Variants in PDE1A observed in about 807,000 individuals in gnomAD.
PDE1A encodes the protein phosphodiesterase 1A, also known as dual specificity calcium/calmodulin-dependent 3',5'-cyclic nucleotide phosphodiesterase 1A.
Under a neutral mutation model 61.7 loss-of-function variants are expected in PDE1A, and 35 were observed. The observed-to-expected ratio is 0.57, with a 90% CI of 0.43 to 0.75. PDE1A has a LOEUF of 0.75. Among genes scored for constraint, PDE1A ranks in the 30% least tolerant of loss-of-function variants. The pLI, the probability that PDE1A is intolerant of heterozygous loss-of-function variation, is 0.00. For synonymous variants in PDE1A, 232 were observed against 213.2 expected (o/e 1.09, Z -0.77); for missense variants, 597 against 630.6 (o/e 0.95, Z 0.57).
chr2:182,451,053 T>C (rs1425822412), intron 2 of PDE1A, among the ~76,000 whole-genome samples: 2 of 152,120 alleles, frequency 1.3e-5, no homozygotes, highest in Non-Finnish European at 2.9e-5. Flanking sequence ...TGGAAATACA[T>C]GCTTGAAAGA....
intron 1 of PDE1A, among the ~76,000 whole-genome samples, chr2:182,397,897 A>C (rs897848574): frequency 2.0e-5 from 3 of 152,094 alleles, no homozygotes. Flanking sequence ...CGCACTTACA[A>C]TTTATTTGGG....
the PDE1A span, among the ~76,000 whole-genome samples, chr2:182,686,925 C>G: frequency 6.6e-6 from 1 of 151,320 alleles, no homozygotes; most frequent in South Asian, 2.1e-4. Flanking sequence ...TGGAGCCTCG[C>G]TCAGTGCTAG....
At chr2:182,390,485 C>T (rs1701358822) in intron 1 of PDE1A, among the ~76,000 whole-genome samples, 1 of 152,124 alleles carries the variant, frequency 6.6e-6, no homozygotes, top group Non-Finnish European at 1.5e-5. Context: ...GTTGGTTGCT[C>T]CTAAGTTCAC....
At chr2:182,517,108 T>C (rs1690251387) in intron 2 of PDE1A, among the ~76,000 whole-genome samples, 1 of 152,194 alleles carries the variant, frequency 6.6e-6, no homozygotes, top group South Asian at 2.1e-4. Flanking sequence ...CCTTTTCTGG[T>C]GTCTTCTGAG....
At chr2:182,454,534 G>A (rs1364538300) in intron 2 of PDE1A, among the ~76,000 whole-genome samples, 1 of 152,026 alleles carries the variant, frequency 6.6e-6, no homozygotes, top group East Asian at 1.9e-4. Context: ...CAAGGCTACA[G>A]TAACCAAAAC....
At chr2:182,710,021 C>T in the PDE1A span, among the ~76,000 whole-genome samples, 4 of 152,110 alleles carry the variant, frequency 2.6e-5, no homozygotes, top group South Asian at 2.1e-4. Context: ...CTCAGACTCC[C>T]GAGTAGCTGG....
the PDE1A span, among the ~76,000 whole-genome samples, chr2:182,652,394 C>T: frequency 5.9e-5 from 9 of 152,262 alleles, no homozygotes; most frequent in South Asian, 6.2e-4. Context: ...CGACCTCCTA[C>T]GATCTGGATC....
chr2:182,687,193 C>T, the PDE1A span, among the ~76,000 whole-genome samples: 10 of 152,196 alleles, frequency 6.6e-5, no homozygotes, highest in Admixed American at 6.5e-4. Flanking sequence ...TAGTGGTTCT[C>T]CCAGCACGGA....
At chr2:182,353,060 T>C (rs971485404) in intron 1 of PDE1A, among the ~76,000 whole-genome samples, 1 of 152,206 alleles carries the variant, frequency 6.6e-6, no homozygotes, top group African/African-American at 2.4e-5. Context: ...AGCAAAAATG[T>C]AGCTTGACAA....
intron 1 of PDE1A, among the ~76,000 whole-genome samples, chr2:182,313,368 C>T (rs1352094880): frequency 1.3e-5 from 2 of 152,094 alleles, no homozygotes; most frequent in Non-Finnish European, 2.9e-5. Flanking sequence ...GAGCTGAGAT[C>T]GTGCCACTGC....
the PDE1A span, among the ~76,000 whole-genome samples, chr2:182,627,503 T>C: frequency 2.0e-5 from 3 of 147,074 alleles, no homozygotes; most frequent in South Asian, 6.3e-4. Flanking sequence ...CTCCAACAAA[T>C]AGCTTATTTA....
the PDE1A span, among the ~76,000 whole-genome samples, chr2:182,533,945 T>C: frequency 2.0e-5 from 3 of 152,128 alleles, no homozygotes; most frequent in African/African-American, 7.2e-5. Flanking sequence ...ATTTCATGGT[T>C]TAACTCATTT....
chr2:182,467,601 G>A (rs890391407), intron 2 of PDE1A, among the ~76,000 whole-genome samples: 3 of 151,782 alleles, frequency 2.0e-5, no homozygotes, highest in Non-Finnish European at 4.4e-5. Flanking sequence ...GATAACACAA[G>A]AGAACTGCAG....
At chr2:182,495,834 G>A (rs1688680453) in intron 2 of PDE1A, among the ~76,000 whole-genome samples, 1 of 152,170 alleles carries the variant, frequency 6.6e-6, no homozygotes, top group Non-Finnish European at 1.5e-5. Context: ...ATAAAAGAAA[G>A]AGCAAAAATA....
the PDE1A span, among the ~76,000 whole-genome samples, chr2:182,537,742 C>T: frequency 2.6e-5 from 4 of 151,918 alleles, no homozygotes; most frequent in East Asian, 7.7e-4. Context: ...ATAAAAACTT[C>T]CTGAGGCTGG....
intron 13 of PDE1A, among the ~76,000 whole-genome samples, chr2:182,185,012 CA>C (rs1414523253): frequency 6.6e-6 from 1 of 152,106 alleles, no homozygotes; most frequent in Non-Finnish European, 1.5e-5. Context: ...GAAAACGTTT[CA>C]ATATTGTGTC....
the PDE1A span, among the ~76,000 whole-genome samples, chr2:182,551,628 G>A: frequency 2.6e-5 from 4 of 152,110 alleles, no homozygotes; most frequent in African/African-American, 9.7e-5. Context: ...GTTCCCCCTA[G>A]AAAGCATTCT....
chr2:182,235,307 C>T (rs187091839), intron 3 of PDE1A, among the ~76,000 whole-genome samples: 13 of 152,276 alleles, frequency 8.5e-5, no homozygotes, highest in African/African-American at 3.1e-4. Context: ...CCATGCCCAA[C>T]TAATTTTTGT....
intron 1 of PDE1A, among the ~76,000 whole-genome samples, chr2:182,264,681 T>C (rs1692476202): frequency 6.6e-6 from 1 of 151,482 alleles, no homozygotes; most frequent in South Asian, 2.1e-4. Context: ...ATAGTCTTCC[T>C]GAAAATTCAA....
Sources: gnomAD v4.1 joint callset for allele counts (sites outside exome capture counted in the v4.1 genomes callset) on GRCh38, gnomAD v4.1.1 for gene constraint, MANE v1.5 for transcripts, NCBI Gene and HGNC (gene_info 2026-07-23, HGNC 2026-07-21) for gene names.